The following HCN1 variants were observed in gnomAD, a reference collection of about 807,000 sequenced individuals.
HCN1 encodes the protein potassium/sodium hyperpolarization-activated cyclic nucleotide-gated channel 1.
A neutral mutation model predicts 78.9 loss-of-function variants in HCN1; 13 were observed. The observed-to-expected ratio is 0.16, with a 90% CI of 0.11 to 0.26. The LOEUF (loss-of-function observed/expected upper bound fraction) is 0.26, where lower values mean the gene tolerates loss of function less well. Among genes scored for constraint, HCN1 ranks in the 10% least tolerant of loss-of-function variants. The probability of loss-of-function intolerance (pLI) is 1.00; values close to 1 mark genes in which losing one functional copy is unlikely to be tolerated. For missense variants in HCN1, 810 were observed against 1,154.3 expected (o/e 0.70, Z 4.32); for synonymous variants, 552 against 455.5 (o/e 1.21, Z -2.70).
intron 2 of HCN1, among the ~76,000 whole-genome samples, chr5:45,476,431 T>C (rs1326089263): frequency 6.6e-6 from 1 of 152,154 alleles, no homozygotes; most frequent in Non-Finnish European, 1.5e-5. Context: ...CAGTCTATGA[T>C]ATTGTTTAAG....
intron 6 of HCN1, among the ~76,000 whole-genome samples, chr5:45,285,902 A>G (rs180995694): frequency 1.3e-5 from 2 of 152,118 alleles, no homozygotes; most frequent in Non-Finnish European, 1.5e-5. Context: ...TATCTTATAA[A>G]CAAATCATCA....
At chr5:45,352,613 C>A (rs948775504) in intron 5 of HCN1, among the ~76,000 whole-genome samples, 6 of 152,018 alleles carry the variant, frequency 3.9e-5, no homozygotes, top group Admixed American at 2.0e-4. Context: ...GGGAAGAAGG[C>A]AGATTTCTAG....
At chr5:45,649,057 G>A (rs1336044325) in intron 1 of HCN1, among the ~76,000 whole-genome samples, 2 of 151,856 alleles carry the variant, frequency 1.3e-5, no homozygotes, top group African/African-American at 4.8e-5. Flanking sequence ...CAGGCAAGAG[G>A]GCACTTGCTC....
chr5:45,625,045 T>A (rs80078490), intron 2 of HCN1, among the ~76,000 whole-genome samples: 125 of 152,252 alleles, frequency 8.2e-4, no homozygotes, highest in African/African-American at 3.0e-3. Context: ...CAAGGCTACA[T>A]GTTGGTATTA....
intron 1 of HCN1, among the ~76,000 whole-genome samples, chr5:45,682,743 G>A (rs1580048702): frequency 6.6e-6 from 1 of 151,940 alleles, no homozygotes; most frequent in Admixed American, 6.6e-5. Flanking sequence ...ATGATAAATT[G>A]TGTAAATTGT....
At chr5:45,691,844 C>A (rs971629173) in intron 1 of HCN1, among the ~76,000 whole-genome samples, 3 of 152,108 alleles carry the variant, frequency 2.0e-5, no homozygotes, top group South Asian at 4.1e-4. Flanking sequence ...GTTGTGGCTG[C>A]AATTCAAAGC....
In HCN1 at chr5:45,484,862, T is replaced by C. The variant is rs375713197; in HGVS notation, c.850-22855A>G. 2.4e-4 allele frequency among the ~76,000 whole-genome samples: 36 copies of C among 152,314 alleles called. No homozygotes were observed. The East Asian group carries it at 5.4e-3, about 23-fold the overall frequency. ...GGTCCAGAACTGAGTACTGATTTTG[T>C]GCATGAGCTCACATTCATGGGGTGG... On this transcript the variant is annotated intron_variant, in intron 2 of 7. Transcript: ENST00000303230.
At position 45,493,205 on chromosome 5, in the gene HCN1, A is replaced by G. The variant is rs537221633; in HGVS notation, c.850-31198T>C. Among the ~76,000 whole-genome samples the G allele has an allele frequency of 4.3e-4, 66 of 152,198 alleles. No individual in the cohort carries two copies. In the South Asian group the frequency reaches 5.2e-3, roughly 12 times the overall value. On this transcript the variant is annotated intron_variant, in intron 2 of 7. Transcript: ENST00000303230. ...ATTTTTAACTATTTATTTATTTTGC[A>G]TAATTGAATGACAAATCTGCAATGA...
chr5:45,379,324 C>T (rs1443088866), intron 4 of HCN1, among the ~76,000 whole-genome samples: 1 of 151,980 alleles, frequency 6.6e-6, no homozygotes, highest in Non-Finnish European at 1.5e-5. Context: ...CTATGATACG[C>T]TCCTCTTAAT....
intron 5 of HCN1, among the ~76,000 whole-genome samples, chr5:45,323,314 T>C (rs1251371202): frequency 1.3e-5 from 2 of 151,916 alleles, no homozygotes; most frequent in Non-Finnish European, 2.9e-5. Context: ...TTTGGATATA[T>C]TTAGTTAACA....
Position 45,685,960 on chromosome 5 carries a change from TTC to T in HCN1, c.425+9707_425+9708del, listed in dbSNP as rs912325416. Among the ~76,000 whole-genome samples the T allele has an allele frequency of 8.5e-5, 13 of 152,272 alleles. 2 individuals carry two copies. The highest frequency in any genetic ancestry group is 5.9e-4 in the Admixed American group (9 of 15,290). On this transcript the variant is annotated intron_variant, in intron 1 of 7. Transcript: ENST00000303230. Reference sequence around the variant, plus strand: ...TTTTCAAACAACTAACATGCCTTAATTCTGTTTTAATTTTACACTCATACAAA... The same window carrying T: ...TTTTCAAACAACTAACATGCCTTAATTGTTTTAATTTTACACTCATACAAA...
At position 45,271,688 on chromosome 5, in the gene HCN1, T is replaced by C. The variant is rs147205810; in HGVS notation, c.1619-4435A>G. ...TGCCTACATGACAGATAGTAGGGGC[T>C]TAATGTTAGCTGACTTGAATAATTG... On this transcript the variant is annotated intron_variant, in intron 6 of 7. Transcript: ENST00000303230. Among the ~76,000 whole-genome samples the C allele has an allele frequency of 6.0e-4, 92 of 152,294 alleles. 1 individual carries two copies. In the East Asian group the frequency reaches 0.01, roughly 17 times the overall value.
At chr5:45,372,542 TATAAAAATATATAAAACATTTACA>T (rs1747424977) in intron 4 of HCN1, among the ~76,000 whole-genome samples, 1 of 126,058 alleles carries the variant, frequency 7.9e-6, no homozygotes, top group African/African-American at 3.0e-5. Context: ...AACATTTACA[TATAAAAATATATAAAACATTTACA>T]TATAAAAATA....
chr5:45,270,844 G>GAT (rs1744947679), intron 6 of HCN1, among the ~76,000 whole-genome samples: 1 of 152,048 alleles, frequency 6.6e-6, no homozygotes, highest in Non-Finnish European at 1.5e-5. Flanking sequence ...TCATTTTACA[G>GAT]ATATGTTAAA....
In HCN1 at chr5:45,695,959, G is replaced by A. The variant is rs886043996; in HGVS notation, c.135C>T (p.Gly45=). The change falls in exon 1 of 8, where the codon GGC becomes GGT. Residue 45 remains glycine (G), a synonymous_variant. Transcript: ENST00000303230. ...AEKRLGTPPG[G]GGAGAKEHGN... is the part of the protein sequence containing the mutation. The stretch of plus-strand genomic sequence containing the variant: ...CGTGCTCCTTCGCGCCGGCCCCGCC[G>A]CCCCCCGGCGGGGTGCCCAGGCGCT... 5 of 1,329,252 alleles carry A rather than the reference G, an allele frequency of 3.8e-6. No individual in the cohort carries two copies. Among genetic ancestry groups the A allele is most frequent in the Admixed American group, 4.0e-5 (1 of 25,046 alleles). 82.3% of individuals were successfully genotyped at this position (1,329,252 alleles called of 1,614,324 possible).
intron 4 of HCN1, among the ~76,000 whole-genome samples, chr5:45,371,814 G>T (rs1259339581): frequency 7.4e-6 from 1 of 134,464 alleles, no homozygotes; most frequent in African/African-American, 2.8e-5. Flanking sequence ...AGGTGTATAT[G>T]TGCTGTTTTC....
intron 2 of HCN1, among the ~76,000 whole-genome samples, chr5:45,615,534 G>A (rs1398274370): frequency 6.6e-6 from 1 of 151,942 alleles, no homozygotes; most frequent in Non-Finnish European, 1.5e-5. Flanking sequence ...GAATAAAACA[G>A]TTGATTGAAA....
intron 3 of HCN1, among the ~76,000 whole-genome samples, chr5:45,443,192 C>T (rs995352846): frequency 3.3e-5 from 5 of 152,016 alleles, no homozygotes; most frequent in African/African-American, 1.2e-4. Flanking sequence ...TTGTAGTATG[C>T]TACGAAGAGG....
At chr5:45,680,156 G>A (rs1317230233) in intron 1 of HCN1, among the ~76,000 whole-genome samples, 1 of 152,096 alleles carries the variant, frequency 6.6e-6, no homozygotes, top group Admixed American at 6.6e-5. Context: ...CCACATTGCA[G>A]TCAACTAAAT....
Sources: allele counts gnomAD v4.1 joint callset (sites outside exome capture counted in the v4.1 genomes callset), GRCh38; gene constraint gnomAD v4.1.1; transcripts MANE v1.5; gene names NCBI Gene and HGNC (gene_info 2026-07-23, HGNC 2026-07-21).